ADCY7: variants seen among roughly 807,000 people sequenced by gnomAD.
ADCY7 encodes adenylate cyclase type 7.
A neutral mutation model predicts 120.6 loss-of-function variants in ADCY7; 72 were observed. That is an observed-to-expected ratio of 0.60 (90% confidence interval 0.49 to 0.73). The LOEUF (loss-of-function observed/expected upper bound fraction) is 0.73, where lower values mean the gene tolerates loss of function less well. Among genes scored for constraint, ADCY7 ranks in the 30% least tolerant of loss-of-function variants. The pLI is 0.00. For missense variants in ADCY7, 1,227 were observed against 1,486.0 expected (o/e 0.83, Z 2.87); for synonymous variants, 661 against 628.0 (o/e 1.05, Z -0.78).
In ADCY7 at chr16:50,288,113, C is replaced by T. The variant is rs1271887632; in HGVS notation, c.-67C>T. 6.8e-7 allele frequency: 1 copy of T among 1,474,934 alleles called. No individual in the cohort carries two copies. The highest frequency in any genetic ancestry group is 9.0e-7 in the Non-Finnish European group (1 of 1,106,994). 91.4% of individuals were successfully genotyped at this position (1,474,934 alleles called of 1,614,324 possible). A position where few individuals can be genotyped will look rare whatever the true frequency, so the allele number is the denominator to read the frequency against. ...GCCCACGGGGGAGGGTGTTGGCAGA[C>T]AGATGCCCTCCAGGCCCTGGGGCCT... On this transcript the variant is annotated 5_prime_UTR_variant, in exon 2 of 26. Coordinates refer to ENST00000673801, the MANE Select transcript of ADCY7 (RefSeq NM_001114.5).
intron 1 of ADCY7, among the ~76,000 whole-genome samples, chr16:50,277,986 A>G (rs1173922272): frequency 1.3e-5 from 2 of 151,078 alleles, no homozygotes; most frequent in African/African-American, 4.9e-5. Flanking sequence ...GGTAGTTTTA[A>G]TTTGTGTTTC....
Position 50,260,335 on chromosome 16 carries a change from G to T in ADCY7, c.-64+14132G>T, listed in dbSNP as rs564000350. Among the ~76,000 whole-genome samples the T allele has an allele frequency of 9.8e-5, 15 of 152,306 alleles. 2 individuals carry two copies. The South Asian group carries it at 2.9e-3, about 29-fold the overall frequency. On this transcript the variant is annotated intron_variant, in intron 1 of 4. Transcript: ENST00000564044. ...GGAGGGTGCTGCATGAATAAGTTCA[G>T]GTTCTTTGAGCTGCAAGTACCAGAA...
Position 50,310,683 on chromosome 16 carries a change from T to G in ADCY7, c.2161-4T>G. The G allele has an allele frequency of 6.2e-7, 1 of 1,613,356 alleles. No homozygotes were observed. The highest frequency in any genetic ancestry group is 1.3e-5 in the African/African-American group (1 of 74,986). On this transcript the variant is annotated splice_region_variant and splice_polypyrimidine_tract_variant and intron_variant, in intron 18 of 25. Coordinates refer to ENST00000673801, the MANE Select transcript of ADCY7 (RefSeq NM_001114.5). ...CTGTCCTGAGTGACACCCTGCCCCC[T>G]CAGTACTACACCTGCAGCTGTGTCC...
intron 18 of ADCY7, 45 bp downstream of exon 18, chr16:50,309,691 C>A: frequency 6.5e-7 from 1 of 1,532,702 alleles, no homozygotes; most frequent in Non-Finnish European, 8.8e-7. Flanking sequence ...CAGAGTGGGG[C>A]TGCTGCTGCC....
intron 1 of ADCY7, among the ~76,000 whole-genome samples, chr16:50,251,030 T>C (rs113592650): frequency 2.0e-5 from 3 of 151,118 alleles, no homozygotes; most frequent in African/African-American, 7.3e-5. Flanking sequence ...AGGCCAGGAG[T>C]CTGAGACTAG....
intron 4 of ADCY7, 149 bp from the exon 5 acceptor site, chr16:50,292,527 C>T (rs2035054112): frequency 1.0e-6 from 1 of 975,092 alleles, no homozygotes; most frequent in Admixed American, 2.6e-5. Context: ...GCCTCAGTTT[C>T]CCTGTCTGCC....
intron 17 of ADCY7, chr16:50,309,333 G>T (rs911219106): frequency 5.0e-5 from 26 of 522,864 alleles, no homozygotes; most frequent in Admixed American, 1.4e-4. Flanking sequence ...CGCTCTGGGG[G>T]TGTCTGCACC....
chr16:50,313,931 G>A (rs1222215587), intron 22 of ADCY7, 27 bp from the exon 23 acceptor site: 1 of 1,592,996 alleles, frequency 6.3e-7, no homozygotes, highest in Admixed American at 1.7e-5. Context: ...AGTGGCGGCT[G>A]CTTCACCGCT....
intron 11 of ADCY7, among the ~76,000 whole-genome samples, 156 bp from the exon 12 acceptor site, chr16:50,304,769 C>G (rs573894759): frequency 6.6e-6 from 1 of 152,362 alleles, no homozygotes; most frequent in East Asian, 1.9e-4. Flanking sequence ...GATGCCTGGA[C>G]CACGCTCAGC....
chr16:50,310,886 G>C lies in ADCY7; in HGVS notation c.2354+6G>C, dbSNP rs767846168. ...AAGCCCAACGGCACCACCAGGTGGGGTCCCGCCCGTCCCCGTCCCCATCCC... is the reference window on the plus strand; with the variant it reads ...AAGCCCAACGGCACCACCAGGTGGGCTCCCGCCCGTCCCCGTCCCCATCCC... On this transcript the variant is annotated splice_donor_region_variant and intron_variant, in intron 19 of 25. Coordinates refer to ENST00000673801, the MANE Select transcript of ADCY7 (RefSeq NM_001114.5). 1.6e-5 allele frequency: 26 copies of C among 1,582,632 alleles called. No individual in the cohort carries two copies. The highest frequency in any genetic ancestry group is 1.7e-4 in the Middle Eastern group (1 of 5,946).
At chr16:50,281,019 G>C (rs891659789) in intron 1 of ADCY7, among the ~76,000 whole-genome samples, 3 of 152,118 alleles carry the variant, frequency 2.0e-5, no homozygotes, top group African/African-American at 2.4e-5. Flanking sequence ...TGCCGTTGGG[G>C]AATTTCAGTC....
chr16:50,267,146 A>G lies in ADCY7; in HGVS notation c.-269+466A>G, dbSNP rs540793300. Among the ~76,000 whole-genome samples the G allele has an allele frequency of 3.9e-5, 6 of 152,358 alleles. No individual in the cohort carries two copies. The East Asian group carries it at 1.2e-3, about 29-fold the overall frequency. On this transcript the variant is annotated intron_variant, in intron 1 of 25. Coordinates refer to ENST00000673801, the MANE Select transcript of ADCY7 (RefSeq NM_001114.5). ...CAAACAAAACCTCTGAAAGGAGTGC[A>G]TGCCTGAGGGTCAGGAAACCAAGAT...
chr16:50,245,123 G>C (rs1265759609), upstream of ADCY7, among the ~76,000 whole-genome samples: 1 of 152,236 alleles, frequency 6.6e-6, no homozygotes, highest in East Asian at 1.9e-4. Flanking sequence ...GGGTGAGCCG[G>C]GGTAGCAGGC....
At chr16:50,282,135 C>T (rs577090342) in intron 1 of ADCY7, among the ~76,000 whole-genome samples, 39 of 152,242 alleles carry the variant, frequency 2.6e-4, no homozygotes, top group Non-Finnish European at 4.1e-4. Context: ...CCTGAGCCTG[C>T]TGAGGCTCGG....
chr16:50,301,008 C>A (rs1489658328), intron 9 of ADCY7, 74 bp from the exon 10 acceptor site: 3 of 1,571,784 alleles, frequency 1.9e-6, no homozygotes, highest in Non-Finnish European at 1.7e-6. Flanking sequence ...CCCAGGCCTG[C>A]CTGCTGTGCA....
At chr16:50,276,034 C>A (rs2033868813) in intron 1 of ADCY7, among the ~76,000 whole-genome samples, 1 of 152,216 alleles carries the variant, frequency 6.6e-6, no homozygotes. Context: ...GGGTACTGTG[C>A]CGTCTCCTGC....
chr16:50,309,048 C>T (rs2036273254), intron 17 of ADCY7: 1 of 427,818 alleles, frequency 2.3e-6, no homozygotes, highest in African/African-American at 2.0e-5. Context: ...TCCTGACATC[C>T]CATTCATTCT....
In ADCY7 at chr16:50,297,896, G is replaced by A. The variant is rs2035460714; in HGVS notation, c.949-1008G>A. On this transcript the variant is annotated intron_variant, in intron 7 of 25. Transcript: ENST00000673801. The surrounding 1 kb of genome is among the most constrained non-coding windows in gnomAD (Gnocchi z 4.4). ...TGGGGTAGAGGGTGGGGAGGGGAGA[G>A]CAGAGGCAGATGGCGCTCCTTCTTC... 6.6e-6 allele frequency among the ~76,000 whole-genome samples: 1 copy of A among 152,120 alleles called. No homozygotes were observed. The highest frequency in any genetic ancestry group is 1.5e-5 in the Non-Finnish European group (1 of 68,006).
At position 50,294,623 on chromosome 16, in the gene ADCY7, C is replaced by T. The variant is rs1386273128; in HGVS notation, c.837-17C>T. 4 of 1,396,176 alleles carry T rather than the reference C, an allele frequency of 2.9e-6. No homozygotes were observed. Among genetic ancestry groups the T allele is most frequent in the Non-Finnish European group, 4.0e-6 (4 of 989,960 alleles). The allele number at this position is 1,396,176 out of a possible 1,614,324, so 86.5% of individuals were successfully genotyped here. ...AGCCTGGCTCTGACACTCCCTCCCACCCTGCCCCATCCCCAGCATCCTCTA... is the reference window on the plus strand; with the variant it reads ...AGCCTGGCTCTGACACTCCCTCCCATCCTGCCCCATCCCCAGCATCCTCTA... On this transcript the variant is annotated splice_polypyrimidine_tract_variant and intron_variant, in intron 6 of 25. Transcript: ENST00000673801.
Sources: gnomAD v4.1 joint callset for allele counts (sites outside exome capture counted in the v4.1 genomes callset) on GRCh38, gnomAD v4.1.1 for gene constraint, Gnocchi (gnomAD v3.1) non-coding constraint, MANE v1.5 for transcripts, NCBI Gene and HGNC (gene_info 2026-07-23, HGNC 2026-07-21) for gene names.